VTCN1: variants seen among roughly 807,000 people sequenced by gnomAD.
The protein encoded by VTCN1 is V-set domain containing T cell activation inhibitor 1.
A neutral mutation model predicts 26.5 loss-of-function variants in VTCN1; 26 were observed. The observed-to-expected ratio is 0.98, with a 90% confidence interval of 0.72 to 1.36. VTCN1 has a LOEUF of 1.36. VTCN1 is among the 40% of genes most tolerant of loss of function. The pLI, the probability that VTCN1 is intolerant of heterozygous loss-of-function variation, is 0.00. For synonymous variants in VTCN1, 116 were observed against 130.7 expected (o/e 0.89, Z 0.77); for missense variants, 298 against 337.7 (o/e 0.88, Z 0.92).
intron 3 of VTCN1, among the ~76,000 whole-genome samples, chr1:117,153,719 A>C (rs1426319552): frequency 6.6e-6 from 1 of 152,164 alleles, no homozygotes; most frequent in Admixed American, 6.5e-5. Context: ...GCATTTTCCT[A>C]GGGATCTGTG....
At chr1:117,178,332 C>A (rs921794562) in intron 1 of VTCN1, among the ~76,000 whole-genome samples, 2 of 149,812 alleles carry the variant, frequency 1.3e-5, no homozygotes, top group African/African-American at 4.9e-5. Context: ...TCTTGGCTCA[C>A]TGCAACCTCC....
At chr1:117,203,730 A>G (rs1648906133) in intron 1 of VTCN1, 3 of 985,318 alleles carry the variant, frequency 3.0e-6, no homozygotes, top group Non-Finnish European at 2.4e-6. Context: ...TGAAATTTAT[A>G]TCTATCTGGA....
In VTCN1 at chr1:117,183,616, T is replaced by A. The variant is rs1304302559; in HGVS notation, c.33-13445A>T. Reference sequence around the variant, plus strand: ...CATAATAGCTGTGCTTGAATACTTGTTAAACTTGAGTCCTCTTGGACATTT... The same window carrying A: ...CATAATAGCTGTGCTTGAATACTTGATAAACTTGAGTCCTCTTGGACATTT... On this transcript the variant is annotated intron_variant, in intron 1 of 5. Coordinates refer to ENST00000369458, the MANE Select transcript of VTCN1 (RefSeq NM_024626.4). This position sits in a 1 kb window ranked among gnomAD's most constrained non-coding sequence, Gnocchi z 4.1. 1.3e-5 allele frequency among the ~76,000 whole-genome samples: 2 copies of A among 152,172 alleles called. No individual in the cohort carries two copies. Among genetic ancestry groups the A allele is most frequent in the Non-Finnish European group, 2.9e-5 (2 of 68,032 alleles).
At chr1:117,197,795 T>C (rs983542635) in intron 1 of VTCN1, among the ~76,000 whole-genome samples, 1 of 152,092 alleles carries the variant, frequency 6.6e-6, no homozygotes. Flanking sequence ...CAGTAACATA[T>C]TTATACCCTC....
At position 117,143,936 on chromosome 1, in the gene VTCN1, A is replaced by G. The variant is rs567310424; in HGVS notation, c.*1335T>C. On this transcript the variant is annotated 3_prime_UTR_variant, in exon 6 of 6. Coordinates refer to ENST00000369458, the MANE Select transcript of VTCN1 (RefSeq NM_024626.4). Reference sequence around the variant, plus strand: ...TAGAACTCAGGCATTTCTCTTACAGAACTTGGCTTGCAGGGTAGAATGAAG... The same window carrying G: ...TAGAACTCAGGCATTTCTCTTACAGGACTTGGCTTGCAGGGTAGAATGAAG... 7 of 152,338 alleles carry G rather than the reference A, an allele frequency of 4.6e-5. No homozygotes were observed. Among genetic ancestry groups the G allele is most frequent in the African/African-American group, 1.4e-4 (6 of 41,570 alleles). 9.4% of individuals were successfully genotyped at this position (152,338 alleles called of 1,614,324 possible).
At chr1:117,170,852 ATTTTAC>A (rs1652872776) in intron 1 of VTCN1, among the ~76,000 whole-genome samples, 2 of 152,106 alleles carry the variant, frequency 1.3e-5, no homozygotes, top group Non-Finnish European at 2.9e-5. Flanking sequence ...TTTTTATTTT[ATTTTAC>A]TTTAAGTTCT....
intron 1 of VTCN1, among the ~76,000 whole-genome samples, chr1:117,193,807 A>T (rs1403927083): frequency 6.6e-6 from 1 of 152,194 alleles, no homozygotes; most frequent in Non-Finnish European, 1.5e-5. Context: ...TACTGGGAAA[A>T]CCAGAGTCCA....
rs899687888 is a variant in VTCN1 at position 117,145,586 on chromosome 1, C to A, written c.*46-361G>T. On this transcript the variant is annotated intron_variant, in intron 5 of 5. Coordinates refer to ENST00000369458, the MANE Select transcript of VTCN1 (RefSeq NM_024626.4). The surrounding 1 kb of genome is among the most constrained non-coding windows in gnomAD (Gnocchi z 4.6). Reference sequence around the variant, plus strand: ...AGGGAGTGTGTGTGGCCTAAAATGCCATTACCCATTATAATGTGTGTCTCA... The same window carrying A: ...AGGGAGTGTGTGTGGCCTAAAATGCAATTACCCATTATAATGTGTGTCTCA... Among the ~76,000 whole-genome samples, 1 of 152,156 alleles carries A rather than the reference C, an allele frequency of 6.6e-6. No homozygotes were observed. Among genetic ancestry groups the A allele is most frequent in the African/African-American group, 2.4e-5 (1 of 41,440 alleles).
intron 1 of VTCN1, among the ~76,000 whole-genome samples, chr1:117,174,494 C>T (rs1044070814): frequency 1.3e-5 from 2 of 152,166 alleles, no homozygotes; most frequent in African/African-American, 2.4e-5. Flanking sequence ...AGGCCAGGCG[C>T]GGTGACTCAC....
At chr1:117,210,400 G>A (rs1649294159) in intron 1 of VTCN1, among the ~76,000 whole-genome samples, 2 of 152,188 alleles carry the variant, frequency 1.3e-5, no homozygotes, top group South Asian at 4.1e-4. Flanking sequence ...CCTGGGGGCT[G>A]CATAAAGGGT....
At chr1:117,209,655 C>A (rs1175142800) in intron 1 of VTCN1, among the ~76,000 whole-genome samples, 6 of 152,164 alleles carry the variant, frequency 3.9e-5, no homozygotes, top group Non-Finnish European at 7.3e-5. Context: ...TAGAGGGAAG[C>A]CCCTGCCACC....
rs530456041 is a variant in VTCN1 at position 117,196,595 on chromosome 1, T to C, written c.32+14229A>G. ...ATATGTTAAAAAAGAAAACTCTGCC[T>C]TTTTTTTTTTAAGAGTACAGTCTAA... On this transcript the variant is annotated intron_variant, in intron 1 of 5. Transcript: ENST00000369458. 9.1e-5 allele frequency among the ~76,000 whole-genome samples: 13 copies of C among 142,542 alleles called. No individual in the cohort carries two copies. The South Asian group carries it at 2.0e-3, about 22-fold the overall frequency. The allele number at this position is 142,542 out of a possible 152,430, so 93.5% of individuals were successfully genotyped here. A position where few individuals can be genotyped will look rare whatever the true frequency, so the allele number is the denominator to read the frequency against.
chr1:117,197,735 A>G (rs4659199), intron 1 of VTCN1, among the ~76,000 whole-genome samples: 65,776 of 151,662 alleles, frequency 0.43, 14,935 homozygotes, highest in Non-Finnish European at 0.51. Flanking sequence ...TGCTTTGTGC[A>G]TTTTCTTCAA....
chr1:117,151,907 G>A (rs1370859730), intron 4 of VTCN1, among the ~76,000 whole-genome samples: 1 of 152,120 alleles, frequency 6.6e-6, no homozygotes, highest in Non-Finnish European at 1.5e-5. Context: ...ACCCTAATGG[G>A]CATTAGGTGA....
At position 117,156,673 on chromosome 1, in the gene VTCN1, G is replaced by A. The variant is rs773228516; in HGVS notation, c.346C>T (p.Arg116Trp). Residue 116 changes from arginine (R) to tryptophan (W), a missense_variant, in exon 3 of 6, where the codon CGG becomes TGG. By Grantham distance (101) the Arg-to-Trp change is moderately radical. Transcript: ENST00000369458. The part of the protein sequence containing the change: ...DQVIVGNASL[R>W]LKNVQLTDAG... Reference sequence around the variant, plus strand: ...TCTGTGAGTTGCACGTTTTTCAGCCGCAAAGAGGCATTGCCAACTATCACT... The same window carrying A: ...TCTGTGAGTTGCACGTTTTTCAGCCACAAAGAGGCATTGCCAACTATCACT... The A allele has an allele frequency of 3.5e-5, 56 of 1,613,950 alleles. No individual in the cohort carries two copies. The highest frequency in any genetic ancestry group is 1.1e-4 in the South Asian group (10 of 91,084).
chr1:117,194,426 G>A (rs1400660797), intron 1 of VTCN1, among the ~76,000 whole-genome samples: 2 of 152,178 alleles, frequency 1.3e-5, no homozygotes, highest in South Asian at 2.1e-4. Flanking sequence ...TGGTGGGAAT[G>A]TAAATTGGTA....
chr1:117,176,534 G>A (rs537717338), intron 1 of VTCN1, among the ~76,000 whole-genome samples: 12 of 152,148 alleles, frequency 7.9e-5, no homozygotes, highest in Non-Finnish European at 1.5e-4. Flanking sequence ...CTATGTTCTC[G>A]AGTTTCTGCC....
rs918904884 is a variant in VTCN1, at chr1:117,175,211, G to T, written c.33-5040C>A. Reference sequence around the variant, plus strand: ...CTTATGGGGGAAAATAGGCTTAAAGGCAGAGCGCTCGAAACCTATGCGACT... The same window carrying T: ...CTTATGGGGGAAAATAGGCTTAAAGTCAGAGCGCTCGAAACCTATGCGACT... On this transcript the variant is annotated intron_variant, in intron 1 of 5. Transcript: ENST00000369458. The surrounding 1 kb of genome is among the most constrained non-coding windows in gnomAD (Gnocchi z 4.2). 6.6e-6 allele frequency among the ~76,000 whole-genome samples: 1 copy of T among 152,220 alleles called. No individual in the cohort carries two copies. Among genetic ancestry groups the T allele is most frequent in the Admixed American group, 6.5e-5 (1 of 15,284 alleles).
chr1:117,185,084 C>T (rs1038749764), intron 1 of VTCN1, among the ~76,000 whole-genome samples: 1 of 152,094 alleles, frequency 6.6e-6, no homozygotes. Context: ...TAACTAGCAC[C>T]GTTAGTTTTA....
Sources: allele counts gnomAD v4.1 joint callset (sites outside exome capture counted in the v4.1 genomes callset), GRCh38; gene constraint gnomAD v4.1.1; non-coding constraint Gnocchi (gnomAD v3.1); transcripts MANE v1.5; gene names NCBI Gene and HGNC (gene_info 2026-07-23, HGNC 2026-07-21).